The following SORL1 variants were observed in gnomAD, a reference collection of about 807,000 sequenced individuals.
SORL1 encodes sortilin related receptor 1.
Under a neutral mutation model 273.7 loss-of-function variants are expected in SORL1, and 127 were observed. The observed-to-expected ratio is 0.46, with a 90% CI of 0.40 to 0.54. The LOEUF (loss-of-function observed/expected upper bound fraction) is 0.54, where lower values mean the gene tolerates loss of function less well. Among genes scored for constraint, SORL1 ranks in the 20% least tolerant of loss-of-function variants. SORL1 has a pLI of 0.00. For missense variants in SORL1, 2,494 were observed against 2,846.1 expected, an observed-to-expected ratio of 0.88 and a Z score of 2.81; for synonymous variants, 1,031 against 1,067.4, an observed-to-expected ratio of 0.97 and a Z score of 0.66.
intron 6 of SORL1, among the ~76,000 whole-genome samples, chr11:121,512,296 A>G (rs1039287659): frequency 1.3e-5 from 2 of 152,228 alleles, no homozygotes; most frequent in Admixed American, 1.3e-4. Context: ...AGAGATTTCT[A>G]TCATTTTCTC....
chr11:121,478,987 C>G (rs1248046191), intron 3 of SORL1, among the ~76,000 whole-genome samples: 2 of 145,904 alleles, frequency 1.4e-5, no homozygotes, highest in Non-Finnish European at 3.0e-5. Flanking sequence ...CACGTGGGTA[C>G]CCACGTGCGT....
At chr11:121,588,812 A>T (rs1863161702) in intron 28 of SORL1, among the ~76,000 whole-genome samples, 1 of 152,154 alleles carries the variant, frequency 6.6e-6, no homozygotes, top group African/African-American at 2.4e-5. Flanking sequence ...GGCCTCATAG[A>T]CGGCTGCCTG....
At chr11:121,576,958 T>A in intron 24 of SORL1, 1 of 1,523,486 alleles carries the variant, frequency 6.6e-7, no homozygotes, top group East Asian at 2.4e-5. Context: ...CTTCCTAACC[T>A]TCTTCCCATC....
intron 20 of SORL1, among the ~76,000 whole-genome samples, 189 bp from the exon 21 acceptor site, chr11:121,559,330 C>A (rs1862638355): frequency 6.6e-6 from 1 of 152,102 alleles, no homozygotes; most frequent in Non-Finnish European, 1.5e-5. Flanking sequence ...TGGGCAGTTT[C>A]TTCTGTGGGG....
Position 121,608,089 on chromosome 11 carries a change from C to T in SORL1, c.5167-15C>T. 6.8e-6 allele frequency: 11 copies of T among 1,608,760 alleles called. No individual in the cohort carries two copies. The highest frequency in any genetic ancestry group is 9.4e-6 in the Non-Finnish European group (11 of 1,175,132). ...TGCCTTTATTTCATATTAATTCACCCTCTGATTTGAAAAGGTGGCTGCGGT... is the reference window on the plus strand; with the variant it reads ...TGCCTTTATTTCATATTAATTCACCTTCTGATTTGAAAAGGTGGCTGCGGT... On this transcript the variant is annotated splice_polypyrimidine_tract_variant and intron_variant, in intron 37 of 47. Coordinates refer to ENST00000260197, the MANE Select transcript of SORL1 (RefSeq NM_003105.6).
In SORL1 at chr11:121,611,223, A is replaced by G. The variant is rs999477597; in HGVS notation, c.5322+65A>G. 2.3e-5 allele frequency: 26 copies of G among 1,108,464 alleles called. 1 individual carries two copies. In the Middle Eastern group the frequency reaches 1.4e-3, roughly 60 times the overall value. 68.7% of individuals were successfully genotyped at this position (1,108,464 alleles called of 1,614,324 possible). A position where few individuals can be genotyped will look rare whatever the true frequency, so the allele number is the denominator to read the frequency against. ...TATTTTGTATGGGAACTGAAAGGACATAGCACAGTAAGACTGGAAAAAAAC... is the reference window on the plus strand; with the variant it reads ...TATTTTGTATGGGAACTGAAAGGACGTAGCACAGTAAGACTGGAAAAAAAC... On this transcript the variant is annotated intron_variant, in intron 39 of 47. Transcript: ENST00000260197.
In SORL1 at chr11:121,574,375, T is replaced by C. The variant is rs1792126; in HGVS notation, c.3460+12T>C. ...TGAAAGTCATTGTGGTAAGGGGACA[T>C]CACATCCTGAAACCCTGCTCTGGAG... is the stretch of plus-strand genomic sequence containing the variant. On this transcript the variant is annotated intron_variant, in intron 24 of 47. Transcript: ENST00000260197. The C allele has an allele frequency of 1, 1,607,742 of 1,612,580 alleles. 801,602 individuals carry two copies. The highest frequency in any genetic ancestry group is 1 in the East Asian group (44,846 of 44,846).
intron 21 of SORL1, among the ~76,000 whole-genome samples, chr11:121,561,247 G>C (rs1211359568): frequency 1.3e-5 from 2 of 152,268 alleles, no homozygotes; most frequent in East Asian, 3.9e-4. Flanking sequence ...TGGCTACCCG[G>C]TCACAACTTA....
chr11:121,514,128 CT>C, intron 7 of SORL1, 23 bp from the exon 8 acceptor site: 1 of 1,605,822 alleles, frequency 6.2e-7, no homozygotes, highest in Non-Finnish European at 8.5e-7. Context: ...TTTGACGTAT[CT>C]TTTTTGACTT....
At position 121,549,724 on chromosome 11, in the gene SORL1, ATT is replaced by A. The variant is rs56099942; in HGVS notation, c.2052-223_2052-222del. On this transcript the variant is annotated intron_variant, in intron 14 of 47. Coordinates refer to ENST00000260197, the MANE Select transcript of SORL1 (RefSeq NM_003105.6). ...AATACTGTTTTGATTTGGCATGATG[ATT>A]TTTTTTTTTTTTGGTCTATTTATGG... Among the ~76,000 whole-genome samples the A allele has an allele frequency of 4.7e-3, 682 of 143,990 alleles. 8 individuals carry two copies. Among genetic ancestry groups the A allele is most frequent in the African/African-American group, 0.016 (637 of 39,246 alleles). The allele number at this position is 143,990 out of a possible 152,430, so 94.5% of individuals were successfully genotyped here.
intron 45 of SORL1, among the ~76,000 whole-genome samples, chr11:121,623,475 G>A (rs996378057): frequency 2.0e-4 from 30 of 152,352 alleles, no homozygotes; most frequent in African/African-American, 7.0e-4. Context: ...ATTTATGACA[G>A]CAAGAAAGAG....
intron 2 of SORL1, among the ~76,000 whole-genome samples, chr11:121,474,630 A>G (rs1185848296): frequency 1.3e-5 from 2 of 152,216 alleles, no homozygotes. Context: ...GAGTAGCATC[A>G]TATTGAGGTC....
chr11:121,532,636 T>A (rs631232), intron 12 of SORL1, 84 bp downstream of exon 12: 1 of 1,167,778 alleles, frequency 8.6e-7, no homozygotes, highest in Non-Finnish European at 1.3e-6. Flanking sequence ...TATCTCTCTA[T>A]AGCACTATGT....
At chr11:121,547,706 C>T (rs57505943) in intron 14 of SORL1, among the ~76,000 whole-genome samples, 10,228 of 151,918 alleles carry the variant, frequency 0.067, 476 homozygotes, top group Admixed American at 0.12. Flanking sequence ...AGCTGTTCCC[C>T]GCTCCACCCC....
Position 121,550,177 on chromosome 11 carries a change from C to A in SORL1, c.2180+89C>A. 1 of 1,345,352 alleles carries A rather than the reference C, an allele frequency of 7.4e-7. No homozygotes were observed. Among genetic ancestry groups the A allele is most frequent in the Non-Finnish European group, 1.0e-6 (1 of 995,892 alleles). The allele number at this position is 1,345,352 out of a possible 1,614,324, so 83.3% of individuals were successfully genotyped here. A position where few individuals can be genotyped will look rare whatever the true frequency, so the allele number is the denominator to read the frequency against. ...AGAGGACCGTCTGGATTGCTCTACACTCGAAATTCTAGAATTCCAAGTTAA... is the reference window on the plus strand; with the variant it reads ...AGAGGACCGTCTGGATTGCTCTACAATCGAAATTCTAGAATTCCAAGTTAA... On this transcript the variant is annotated intron_variant, in intron 15 of 47. Transcript: ENST00000260197. This position sits in a 1 kb window ranked among gnomAD's most constrained non-coding sequence, Gnocchi z 5.3.
chr11:121,515,625 T>C (rs971801606), intron 8 of SORL1, among the ~76,000 whole-genome samples: 1 of 152,098 alleles, frequency 6.6e-6, no homozygotes, highest in African/African-American at 2.4e-5. Context: ...TGTGAAGAAC[T>C]TTGTTTTTTT....
At chr11:121,589,773 G>A (rs1743840289) in intron 29 of SORL1, among the ~76,000 whole-genome samples, 1 of 152,192 alleles carries the variant, frequency 6.6e-6, no homozygotes, top group African/African-American at 2.4e-5. Flanking sequence ...TTGGTAAAAT[G>A]TCAGAATTAA....
Position 121,545,268 on chromosome 11 carries a change from C to T in SORL1, c.1890C>T (p.Tyr630=), listed in dbSNP as rs140945867. 5.2e-4 allele frequency: 832 copies of T among 1,614,188 alleles called. 2 individuals carry two copies. The Admixed American group carries it at 8.4e-3, about 16-fold the overall frequency. The change falls in exon 14 of 48, where the codon TAC becomes TAT. Residue 630 remains tyrosine, a synonymous_variant. Transcript: ENST00000260197. ...ALGVPCTEND[Y]KLWSPSDERG... ...GAGTTCCCTGCACAGAGAATGACTACAAGCTGTGGTCACCATCTGATGAGC... is the reference window on the plus strand; with the variant it reads ...GAGTTCCCTGCACAGAGAATGACTATAAGCTGTGGTCACCATCTGATGAGC...
At chr11:121,519,148 A>G (rs897091849) in intron 8 of SORL1, among the ~76,000 whole-genome samples, 1 of 151,650 alleles carries the variant, frequency 6.6e-6, no homozygotes, top group African/African-American at 2.4e-5. Context: ...GGGTTTCACT[A>G]TGTTGGCCAG....
Sources: allele counts gnomAD v4.1 joint callset (sites outside exome capture counted in the v4.1 genomes callset), GRCh38; gene constraint gnomAD v4.1.1; non-coding constraint Gnocchi (gnomAD v3.1); transcripts MANE v1.5; gene names NCBI Gene and HGNC (gene_info 2026-07-23, HGNC 2026-07-21).